ZFPM1: variants seen among roughly 807,000 people sequenced by gnomAD.
ZFPM1 encodes the protein zinc finger protein, FOG family member 1.
A neutral mutation model predicts 46.3 loss-of-function variants in ZFPM1; 28 were observed. The observed-to-expected ratio is 0.60, with a 90% CI of 0.45 to 0.83. The LOEUF (loss-of-function observed/expected upper bound fraction) is 0.83. ZFPM1 is among the 40% of genes least tolerant of loss of function. The pLI is 0.00. For synonymous variants in ZFPM1, 957 were observed against 675.9 expected, an observed-to-expected ratio of 1.42 and a Z score of -6.45; for missense variants, 1,878 against 1,432.4, an observed-to-expected ratio of 1.31 and a Z score of -5.02.
rs1369960952 is a variant in ZFPM1 at position 88,482,165 on chromosome 16, G to A, written c.41-3774G>A. ...GCTAGGGGGGTTCTTTGCTAGCCCC[G>A]GGCATGGGGAGAAAGCAGCAGAGAG... is the stretch of plus-strand genomic sequence containing the variant. On this transcript the variant is annotated intron_variant, in intron 1 of 9. Transcript: ENST00000319555. Among the ~76,000 whole-genome samples the A allele has an allele frequency of 3.3e-5, 5 of 152,160 alleles. No homozygotes were observed. In the East Asian group the frequency reaches 9.6e-4, roughly 29 times the overall value.
At chr16:88,501,885 C>G (rs996056368) in intron 3 of ZFPM1, among the ~76,000 whole-genome samples, 1 of 152,012 alleles carries the variant, frequency 6.6e-6, no homozygotes, top group African/African-American at 2.4e-5. Flanking sequence ...CCCCAGCCCG[C>G]GAGGGGGCTC....
chr16:88,455,460 C>G (rs916523662), intron 1 of ZFPM1, among the ~76,000 whole-genome samples: 1 of 152,144 alleles, frequency 6.6e-6, no homozygotes, highest in African/African-American at 2.4e-5. Context: ...CGCCTCCTCC[C>G]CATGGCAGAT....
intron 3 of ZFPM1, among the ~76,000 whole-genome samples, chr16:88,499,912 C>G (rs1910153681): frequency 6.6e-6 from 1 of 152,190 alleles, no homozygotes; most frequent in Non-Finnish European, 1.5e-5. Flanking sequence ...GGTGAGCGGA[C>G]AGTGGATGCC....
intron 3 of ZFPM1, among the ~76,000 whole-genome samples, chr16:88,496,245 A>C (rs566429004): frequency 1.3e-5 from 2 of 152,222 alleles, no homozygotes; most frequent in South Asian, 4.2e-4. Flanking sequence ...CAGAGGTGAG[A>C]GGCCCAGGAT....
chr16:88,462,993 G>A lies in ZFPM1; in HGVS notation c.40+9315G>A, dbSNP rs904794. On this transcript the variant is annotated intron_variant, in intron 1 of 9. Coordinates refer to ENST00000319555, the MANE Select transcript of ZFPM1 (RefSeq NM_153813.3). ...CCCCTCCCCTCCCCAGGTTGCTGAC[G>A]TCCCTCAGGTGTCTCTGTCACGGCT... Among the ~76,000 whole-genome samples the A allele has an allele frequency of 5.7e-3, 864 of 152,258 alleles. 9 individuals are homozygous for A. The highest frequency in any genetic ancestry group is 0.019 in the African/African-American group (806 of 41,532).
Position 88,528,145 on chromosome 16 carries a change from G to C in ZFPM1, c.619G>C (p.Ala207Pro). Residue 207 changes from alanine (A) to proline (P), a missense_variant, in exon 6 of 10, where the codon GCA becomes CCA. Coordinates refer to ENST00000319555, the MANE Select transcript of ZFPM1 (RefSeq NM_153813.3). ...TPGHPVKKEP[A>P]EPTCPAPAHD... Reference sequence around the variant, plus strand: ...CGGCCACCCTGTGAAGAAGGAGCCAGCAGAGCCCACGTGCCCGGCCCCTGC... The same window carrying C: ...CGGCCACCCTGTGAAGAAGGAGCCACCAGAGCCCACGTGCCCGGCCCCTGC... 1 of 1,605,718 alleles carries C rather than the reference G, an allele frequency of 6.2e-7. No homozygotes were observed. Among genetic ancestry groups the C allele is most frequent in the Non-Finnish European group, 8.5e-7 (1 of 1,177,314 alleles).
chr16:88,518,783 GATGGGTGGATGC>G (rs2142444434), intron 4 of ZFPM1, among the ~76,000 whole-genome samples: 2 of 148,726 alleles, frequency 1.3e-5, no homozygotes, highest in South Asian at 2.2e-4. Flanking sequence ...ATGATGGGTG[GATGGGTGGATGC>G]ATGGGTGGGT....
At position 88,514,475 on chromosome 16, in the gene ZFPM1, T is replaced by A; in HGVS notation, c.357T>A (p.His119Gln). 1 of 1,564,384 alleles carries A rather than the reference T, an allele frequency of 6.4e-7. No individual in the cohort carries two copies. Among genetic ancestry groups the A allele is most frequent in the Middle Eastern group, 1.7e-4 (1 of 5,952 alleles). ...CGGGCCTGTCCTGGGGCCCGTTCCA[T>A]GGGAGTGTCCAGACCAGAGCCTCAT... is the stretch of plus-strand genomic sequence containing the variant. Reference protein sequence around the residue: ...LATGLSWGPFHGSVQTRASSP... With the variant: ...LATGLSWGPFQGSVQTRASSP... The change falls in exon 4 of 10, where the codon CAT (histidine) becomes CAA (glutamine). Residue 119 changes from histidine (H) to glutamine (Q), a missense_variant. Transcript: ENST00000319555.
chr16:88,507,334 A>C (rs911487725), intron 3 of ZFPM1, among the ~76,000 whole-genome samples: 3 of 152,068 alleles, frequency 2.0e-5, no homozygotes, highest in Non-Finnish European at 4.4e-5. Context: ...GAGCTCAGAG[A>C]TGGGAAGCTG....
intron 4 of ZFPM1, among the ~76,000 whole-genome samples, chr16:88,525,884 C>T (rs981997107): frequency 2.0e-5 from 3 of 152,230 alleles, no homozygotes; most frequent in Non-Finnish European, 2.9e-5. Flanking sequence ...GAGGCGGCCT[C>T]CACGGGCTCG....
intron 3 of ZFPM1, among the ~76,000 whole-genome samples, chr16:88,489,657 C>A (rs577205890): frequency 3.3e-5 from 5 of 152,220 alleles, no homozygotes; most frequent in African/African-American, 4.8e-5. Context: ...ACATACCCCG[C>A]GGGGCCTGGG....
intron 3 of ZFPM1, among the ~76,000 whole-genome samples, chr16:88,508,445 C>T (rs1910777857): frequency 6.6e-6 from 1 of 152,250 alleles, no homozygotes; most frequent in African/African-American, 2.4e-5. Flanking sequence ...CTTTCTACTG[C>T]CCAAGAGGCT....
chr16:88,488,838 G>A (rs1471381694), intron 2 of ZFPM1, among the ~76,000 whole-genome samples, 193 bp from the exon 3 acceptor site: 1 of 152,156 alleles, frequency 6.6e-6, no homozygotes, highest in Non-Finnish European at 1.5e-5. Flanking sequence ...AGGGGAGAGG[G>A]GTTTTAAAAG....
intron 4 of ZFPM1, among the ~76,000 whole-genome samples, chr16:88,525,299 T>TG: frequency 6.6e-6 from 1 of 152,266 alleles, no homozygotes; most frequent in Admixed American, 6.5e-5. Flanking sequence ...TGGCACCTAG[T>TG]GGGGAGGTAC....
At chr16:88,512,524 G>T (rs1445968270) in intron 3 of ZFPM1, among the ~76,000 whole-genome samples, 1 of 152,150 alleles carries the variant, frequency 6.6e-6, no homozygotes. Flanking sequence ...CTCGGACAAG[G>T]GGTCCTCTTG....
intron 3 of ZFPM1, among the ~76,000 whole-genome samples, chr16:88,496,434 C>A (rs1200360942): frequency 1.3e-5 from 2 of 152,008 alleles, no homozygotes; most frequent in African/African-American, 4.8e-5. Context: ...AGTTCCCGGG[C>A]AAGCAATCCT....
chr16:88,514,451 G>A lies in ZFPM1; in HGVS notation c.333G>A (p.Thr111=), dbSNP rs778368181. The change falls in exon 4 of 10, where the codon ACG becomes ACA. Residue 111 remains threonine, a synonymous_variant. Transcript: ENST00000319555. The part of the protein sequence containing the change: ...RRIRARLSLA[T]GLSWGPFHGS... ...TACGGGCCCGACTCAGCCTCGCCACGGGCCTGTCCTGGGGCCCGTTCCATG... is the reference window on the plus strand; with the variant it reads ...TACGGGCCCGACTCAGCCTCGCCACAGGCCTGTCCTGGGGCCCGTTCCATG... The A allele has an allele frequency of 2.2e-5, 34 of 1,558,640 alleles. No homozygotes were observed. Among genetic ancestry groups the A allele is most frequent in the East Asian group, 1.9e-4 (8 of 41,742 alleles).
chr16:88,510,459 T>C (rs370038757), intron 3 of ZFPM1, among the ~76,000 whole-genome samples: 15 of 152,340 alleles, frequency 9.8e-5, no homozygotes, highest in South Asian at 6.2e-4. Flanking sequence ...TTCAATCATA[T>C]AAATATGCAA....
Position 88,527,978 on chromosome 16 carries a change from G to A in ZFPM1, c.506-54G>A, listed in dbSNP as rs1003953018. On this transcript the variant is annotated intron_variant, in intron 5 of 9. Coordinates refer to ENST00000319555, the MANE Select transcript of ZFPM1 (RefSeq NM_153813.3). The stretch of plus-strand genomic sequence containing the variant: ...CCATCCTCTGCCCCTTGTTTAAGAC[G>A]GGACAGGGAAGTGGGGCACAAAGTC... 4.2e-5 allele frequency: 61 copies of A among 1,465,500 alleles called. No homozygotes were observed. Among genetic ancestry groups the A allele is most frequent in the South Asian group, 1.3e-4 (10 of 74,252 alleles). The allele number at this position is 1,465,500 out of a possible 1,614,324, so 90.8% of individuals were successfully genotyped here.
Sources: gnomAD v4.1 joint callset for allele counts (sites outside exome capture counted in the v4.1 genomes callset) on GRCh38, gnomAD v4.1.1 for gene constraint, MANE v1.5 for transcripts, NCBI Gene and HGNC (gene_info 2026-07-23, HGNC 2026-07-21) for gene names.